Variants in TYR observed in about 807,000 individuals in gnomAD.
TYR encodes the protein tyrosinase.
A neutral mutation model predicts 51.5 loss-of-function variants in TYR; 58 were observed. That is an observed-to-expected ratio of 1.13 (90% CI 0.91 to 1.40). TYR has a LOEUF of 1.40. Ranked by LOEUF, TYR falls within the 40% of genes most tolerant of loss-of-function variation. The pLI is 0.00. For missense variants in TYR, 732 were observed against 647.4 expected (o/e 1.13, Z -1.42); for synonymous variants, 263 against 235.2 (o/e 1.12, Z -1.08).
In TYR at chr11:89,177,941, G is replaced by A; in HGVS notation, c.-13G>A. On this transcript the variant is annotated 5_prime_UTR_variant, in exon 1 of 5. Coordinates refer to ENST00000263321, the MANE Select transcript of TYR (RefSeq NM_000372.5). ...AGCCAGTTCCTGCAGACCTTGTGAG[G>A]ACTAGAGGAAGAATGCTCCTGGCTG... 6.2e-7 allele frequency: 1 copy of A among 1,613,534 alleles called. No individual in the cohort carries two copies. Among genetic ancestry groups the A allele is most frequent in the East Asian group, 2.2e-5 (1 of 44,868 alleles).
chr11:89,220,683 G>A (rs1943898616), intron 2 of TYR, among the ~76,000 whole-genome samples: 1 of 152,100 alleles, frequency 6.6e-6, no homozygotes, highest in Admixed American at 6.6e-5. Context: ...GAACCTGGGA[G>A]GCGGAGGTTG....
At chr11:89,236,436 C>A (rs1302006309) in intron 3 of TYR, among the ~76,000 whole-genome samples, 1 of 152,162 alleles carries the variant, frequency 6.6e-6, no homozygotes, top group Non-Finnish European at 1.5e-5. Context: ...CCTTAGAATT[C>A]TCTATTAATT....
intron 4 of TYR, among the ~76,000 whole-genome samples, chr11:89,285,213 A>G (rs1037001296): frequency 1.3e-5 from 2 of 151,592 alleles, no homozygotes; most frequent in Non-Finnish European, 2.9e-5. Flanking sequence ...CAGAAGAAGA[A>G]AAAAAAAGGT....
chr11:89,209,699 AC>A (rs1406848648), intron 2 of TYR, among the ~76,000 whole-genome samples: 2 of 152,054 alleles, frequency 1.3e-5, no homozygotes, highest in Non-Finnish European at 1.5e-5. Context: ...GGGAGACACT[AC>A]CCAGTAGAGG....
At chr11:89,241,571 T>C (rs768981208) in intron 3 of TYR, among the ~76,000 whole-genome samples, 1 of 151,906 alleles carries the variant, frequency 6.6e-6, no homozygotes, top group Non-Finnish European at 1.5e-5. Flanking sequence ...AAAATACTTA[T>C]TGAGCTCCTG....
intron 3 of TYR, among the ~76,000 whole-genome samples, chr11:89,260,480 G>A (rs12420278): frequency 0.057 from 8,621 of 151,960 alleles, 308 homozygotes; most frequent in East Asian, 0.099. Flanking sequence ...AAATATGAAA[G>A]AGAAATAAAG....
At chr11:89,270,015 C>G (rs963647989) in intron 3 of TYR, among the ~76,000 whole-genome samples, 5 of 151,918 alleles carry the variant, frequency 3.3e-5, no homozygotes, top group Admixed American at 3.3e-4. Flanking sequence ...TATACCGTAA[C>G]TAGGCACGAT....
chr11:89,180,059 A>C (rs1030823361), intron 1 of TYR, among the ~76,000 whole-genome samples: 28 of 152,326 alleles, frequency 1.8e-4, no homozygotes, highest in Admixed American at 1.6e-3. Flanking sequence ...AGTCTACTGA[A>C]GTTCATTTAA....
At chr11:89,211,047 G>A (rs1204093761) in intron 2 of TYR, among the ~76,000 whole-genome samples, 2 of 152,140 alleles carry the variant, frequency 1.3e-5, no homozygotes, top group Non-Finnish European at 2.9e-5. Flanking sequence ...TGAAGAAACT[G>A]CATCAATTAA....
chr11:89,266,162 A>G (rs1157561268), intron 3 of TYR, among the ~76,000 whole-genome samples: 1 of 152,000 alleles, frequency 6.6e-6, no homozygotes, highest in African/African-American at 2.4e-5. Context: ...TTCTTTGTTC[A>G]TTAGGCTAGA....
rs777884034 is a variant in TYR at position 89,178,395 on chromosome 11, G to T, written c.442G>T (p.Asp148Tyr). The T allele has an allele frequency of 5.0e-6, 8 of 1,613,998 alleles. No individual in the cohort carries two copies. Residue 148 changes from aspartate to tyrosine, a missense_variant, in exon 1 of 5, where the codon GAC becomes TAC. Physicochemically the swap from Asp to Tyr is radical, Grantham distance 160 (BLOSUM62 -3). Coordinates refer to ENST00000263321, the MANE Select transcript of TYR (RefSeq NM_000372.5). ...LTLAKHTISS[D>Y]YVIPIGTYGQ... is the part of the protein sequence containing the mutation. ...TTTAGCAAAGCATACCATCAGCTCAGACTATGTCATCCCCATAGGGACCTA... is the reference window on the plus strand; with the variant it reads ...TTTAGCAAAGCATACCATCAGCTCATACTATGTCATCCCCATAGGGACCTA...
At chr11:89,255,938 G>T (rs1283340662) in intron 3 of TYR, among the ~76,000 whole-genome samples, 1 of 150,910 alleles carries the variant, frequency 6.6e-6, no homozygotes, top group Non-Finnish European at 1.5e-5. Flanking sequence ...TTACTTGCTG[G>T]TCTAGTATCT....
In TYR at chr11:89,177,965, T is replaced by G; in HGVS notation, c.12T>G (p.Ala4=). The G allele has an allele frequency of 1.2e-6, 2 of 1,614,138 alleles. No individual in the cohort carries two copies. The highest frequency in any genetic ancestry group is 8.5e-7 in the Non-Finnish European group (1 of 1,180,026). Residue 4 remains alanine (A), a synonymous_variant, in exon 1 of 5, where the codon GCT becomes GCG. Transcript: ENST00000263321. MLL[A]VLYCLLWSFQ... ...GGACTAGAGGAAGAATGCTCCTGGCTGTTTTGTACTGCCTGCTGTGGAGTT... is the reference window on the plus strand; with the variant it reads ...GGACTAGAGGAAGAATGCTCCTGGCGGTTTTGTACTGCCTGCTGTGGAGTT...
Position 89,227,953 on chromosome 11 carries a change from C to T in TYR, c.1167C>T (p.His389=), listed in dbSNP as rs13312743. The change falls in exon 3 of 5, where the codon CAC becomes CAT. Residue 389 remains histidine (H), a synonymous_variant. Transcript: ENST00000263321. ...GSANDPIFLL[H]HAFVDSIFEQ... The stretch of plus-strand genomic sequence containing the variant: ...CCAACGATCCTATCTTCCTTCTTCA[C>T]CATGCATTTGTTGACAGGTTGGTTA... The T allele has an allele frequency of 1.9e-5, 31 of 1,613,376 alleles. No individual in the cohort carries two copies. The East Asian group carries it at 5.8e-4, about 30-fold the overall frequency.
chr11:89,248,698 T>G (rs1944296281), intron 3 of TYR, among the ~76,000 whole-genome samples: 1 of 152,166 alleles, frequency 6.6e-6, no homozygotes, highest in Non-Finnish European at 1.5e-5. Context: ...ATTTTTAGAT[T>G]GACATTTTTA....
Position 89,204,868 on chromosome 11 carries a change from A to T in TYR, c.1036+13450A>T, listed in dbSNP as rs930884398. 2.0e-5 allele frequency among the ~76,000 whole-genome samples: 3 copies of T among 152,192 alleles called. No individual in the cohort carries two copies. In the Middle Eastern group the frequency reaches 0.01, roughly 518 times the overall value. ...GCAGACGTTAACACTGAAGTAACAGATATGTTAAAATTATCTCAAATAATA... is the reference window on the plus strand; with the variant it reads ...GCAGACGTTAACACTGAAGTAACAGTTATGTTAAAATTATCTCAAATAATA... On this transcript the variant is annotated intron_variant, in intron 2 of 4. Coordinates refer to ENST00000263321, the MANE Select transcript of TYR (RefSeq NM_000372.5).
At chr11:89,195,264 T>A (rs1943500829) in intron 2 of TYR, among the ~76,000 whole-genome samples, 1 of 152,228 alleles carries the variant, frequency 6.6e-6, no homozygotes, top group Admixed American at 6.5e-5. Context: ...ATATTCATAG[T>A]CATTGCTAGG....
chr11:89,283,471 C>T (rs58201876), intron 3 of TYR, among the ~76,000 whole-genome samples: 17 of 151,832 alleles, frequency 1.1e-4, no homozygotes, highest in African/African-American at 3.9e-4. Flanking sequence ...GACCTGCTAG[C>T]TTAAAATGTA....
rs117763260 is a variant in TYR at position 89,195,900 on chromosome 11, T to C, written c.1036+4482T>C. Reference sequence around the variant, plus strand: ...ATTTTTTGTTTACTTTTTCTTTTATTTATTTTTTTAATAGCACTGTTGGAG... The same window carrying C: ...ATTTTTTGTTTACTTTTTCTTTTATCTATTTTTTTAATAGCACTGTTGGAG... On this transcript the variant is annotated intron_variant, in intron 2 of 4. Coordinates refer to ENST00000263321, the MANE Select transcript of TYR (RefSeq NM_000372.5). 5.3e-3 allele frequency among the ~76,000 whole-genome samples: 808 copies of C among 152,230 alleles called. 4 individuals carry two copies. Among genetic ancestry groups the C allele is most frequent in the Non-Finnish European group, 7.4e-3 (503 of 68,016 alleles).
Sources: allele counts gnomAD v4.1 joint callset (sites outside exome capture counted in the v4.1 genomes callset), GRCh38; gene constraint gnomAD v4.1.1; transcripts MANE v1.5; gene names NCBI Gene and HGNC (gene_info 2026-07-23, HGNC 2026-07-21).